The following DPYD variants were observed in gnomAD, a reference collection of about 807,000 sequenced individuals.
The protein encoded by DPYD is dihydropyrimidine dehydrogenase [NADP(+)].
DPYD carries 109 observed loss-of-function variants against 116.2 expected under a neutral mutation model. The observed-to-expected ratio is 0.94, with a 90% CI of 0.80 to 1.10. The LOEUF (loss-of-function observed/expected upper bound fraction) is 1.10, where lower values mean the gene tolerates loss of function less well. DPYD is among the 50% of genes least tolerant of loss of function. DPYD has a pLI of 0.00. For synonymous variants in DPYD, 440 were observed against 432.0 expected, an observed-to-expected ratio of 1.02 and a Z score of -0.23; for missense variants, 1,302 against 1,254.5, an observed-to-expected ratio of 1.04 and a Z score of -0.57.
chr1:97,678,978 C>CCCTGAACA (rs1660294120), intron 8 of DPYD, 117 bp downstream of exon 8: 1 of 484,792 alleles, frequency 2.1e-6, no homozygotes, highest in African/African-American at 2.0e-5. Context: ...ATCTGTTATT[C>CCCTGAACA]CCTGAACAAA....
intron 3 of DPYD, among the ~76,000 whole-genome samples, chr1:97,792,275 T>C (rs1667358377): frequency 1.3e-5 from 2 of 151,488 alleles, no homozygotes; most frequent in South Asian, 4.2e-4. Context: ...TATTTTTTTA[T>C]TTTATTTTTT....
intron 20 of DPYD, among the ~76,000 whole-genome samples, chr1:97,136,495 T>G (rs1209232837): frequency 6.6e-6 from 1 of 152,150 alleles, no homozygotes. Flanking sequence ...TGTTTTTCCT[T>G]TTGGACACGT....
intron 8 of DPYD, among the ~76,000 whole-genome samples, chr1:97,665,258 C>T (rs993032758): frequency 2.0e-5 from 3 of 152,082 alleles, no homozygotes; most frequent in African/African-American, 7.2e-5. Context: ...CTTGACTGTG[C>T]CAGAGTGGTT....
chr1:97,872,787 A>G (rs1181111556), intron 2 of DPYD, among the ~76,000 whole-genome samples: 1 of 151,864 alleles, frequency 6.6e-6, no homozygotes, highest in Non-Finnish European at 1.5e-5. Flanking sequence ...CATCATCATC[A>G]TTGTCACTAC....
chr1:97,560,193 C>T (rs940743207), intron 11 of DPYD, among the ~76,000 whole-genome samples: 1 of 152,118 alleles, frequency 6.6e-6, no homozygotes. Flanking sequence ...ATAGAATCAT[C>T]CACTTATTTT....
At chr1:97,774,908 C>G in intron 3 of DPYD, 1 of 284,248 alleles carries the variant, frequency 3.5e-6, no homozygotes, top group South Asian at 4.0e-5. Context: ...TTTGAATGTC[C>G]AAATCATCAT....
intron 3 of DPYD, among the ~76,000 whole-genome samples, chr1:97,826,933 C>T (rs1669269489): frequency 6.6e-6 from 1 of 151,936 alleles, no homozygotes; most frequent in African/African-American, 2.4e-5. Context: ...TTTGTGACAT[C>T]ATAATCATCT....
At chr1:97,903,093 A>G (rs955648248) in intron 1 of DPYD, among the ~76,000 whole-genome samples, 4 of 151,926 alleles carry the variant, frequency 2.6e-5, no homozygotes, top group Admixed American at 1.3e-4. Context: ...TAAGTTTGCC[A>G]CTTAATTACA....
intron 18 of DPYD, among the ~76,000 whole-genome samples, chr1:97,251,674 T>C (rs540382060): frequency 3.3e-5 from 5 of 152,152 alleles, no homozygotes; most frequent in South Asian, 4.2e-4. Context: ...CACACACACA[T>C]TGTCAGTGAT....
chr1:97,456,364 GC>G (rs1362625837), intron 13 of DPYD, among the ~76,000 whole-genome samples: 2 of 151,960 alleles, frequency 1.3e-5, no homozygotes, highest in African/African-American at 4.8e-5. Flanking sequence ...CTATACCTCA[GC>G]TAGGAATCAT....
intron 3 of DPYD, among the ~76,000 whole-genome samples, chr1:97,823,249 G>A (rs1963206): frequency 0.76 from 115,130 of 151,884 alleles, 44,027 homozygotes; most frequent in East Asian, 0.98. Context: ...CCACCTCCCC[G>A]GTTCATGCCA....
At chr1:97,418,618 T>G (rs533140781) in intron 14 of DPYD, among the ~76,000 whole-genome samples, 1 of 152,170 alleles carries the variant, frequency 6.6e-6, no homozygotes, top group East Asian at 1.9e-4. Context: ...TTTCTTATAT[T>G]AAAAGTATCA....
chr1:97,423,028 G>A (rs371295896), intron 14 of DPYD, among the ~76,000 whole-genome samples: 3 of 151,952 alleles, frequency 2.0e-5, no homozygotes, highest in African/African-American at 4.8e-5. Context: ...CACATGCACC[G>A]AGAACTAGGC....
At chr1:97,699,837 A>G (rs1437305842) in intron 5 of DPYD, among the ~76,000 whole-genome samples, 2 of 151,978 alleles carry the variant, frequency 1.3e-5, no homozygotes, top group Non-Finnish European at 2.9e-5. Flanking sequence ...CTCCTACAGC[A>G]TAATCTGTAT....
intron 15 of DPYD, among the ~76,000 whole-genome samples, chr1:97,376,082 C>T (rs1671596433): frequency 6.6e-6 from 1 of 152,162 alleles, no homozygotes; most frequent in African/African-American, 2.4e-5. Context: ...TTCACAGCAA[C>T]TCTAAGAGGT....
At chr1:97,359,290 C>T (rs973605292) in intron 16 of DPYD, among the ~76,000 whole-genome samples, 2 of 152,078 alleles carry the variant, frequency 1.3e-5, no homozygotes, top group Non-Finnish European at 2.9e-5. Flanking sequence ...ACAAAGCCTC[C>T]AAGAAATATG....
intron 1 of DPYD, among the ~76,000 whole-genome samples, chr1:97,918,131 G>T (rs566526290): frequency 6.6e-6 from 1 of 152,010 alleles, no homozygotes; most frequent in Non-Finnish European, 1.5e-5. Flanking sequence ...TACTATTAAC[G>T]GACTTTAAAA....
At chr1:97,611,442 A>G (rs909211739) in intron 8 of DPYD, among the ~76,000 whole-genome samples, 1 of 152,082 alleles carries the variant, frequency 6.6e-6, no homozygotes, top group Non-Finnish European at 1.5e-5. Context: ...AAAATGCACA[A>G]ATCTTATTTT....
intron 15 of DPYD, among the ~76,000 whole-genome samples, chr1:97,373,897 T>C (rs1295114926): frequency 6.6e-6 from 1 of 152,218 alleles, no homozygotes; most frequent in Non-Finnish European, 1.5e-5. Flanking sequence ...ATATGTTTTA[T>C]ATTTGTTACC....
Sources: allele counts gnomAD v4.1 joint callset (sites outside exome capture counted in the v4.1 genomes callset), GRCh38; gene constraint gnomAD v4.1.1; transcripts MANE v1.5; gene names NCBI Gene and HGNC (gene_info 2026-07-23, HGNC 2026-07-21).